Variants in PRKCB observed in about 807,000 individuals in gnomAD.
PRKCB encodes protein kinase C beta.
In PRKCB, 13 loss-of-function variants were observed where a neutral mutation model predicts 81.5. The observed-to-expected ratio is 0.16, with a 90% CI of 0.10 to 0.25. The LOEUF (loss-of-function observed/expected upper bound fraction) is 0.25. Among genes scored for constraint, PRKCB ranks in the 10% least tolerant of loss-of-function variants. The probability of loss-of-function intolerance (pLI) is 1.00; values close to 1 mark genes in which losing one functional copy is unlikely to be tolerated. For missense variants in PRKCB, 509 were observed against 875.7 expected, an observed-to-expected ratio of 0.58 and a Z score of 5.29; for synonymous variants, 335 against 321.4, an observed-to-expected ratio of 1.04 and a Z score of -0.45.
At chr16:24,121,679 A>C (rs976787433) in intron 8 of PRKCB, among the ~76,000 whole-genome samples, 2 of 152,198 alleles carry the variant, frequency 1.3e-5, no homozygotes, top group African/African-American at 4.8e-5. Context: ...CAGCCTCAAT[A>C]AATGTTTTTT....
chr16:24,079,890 G>A (rs1966227571), intron 5 of PRKCB, among the ~76,000 whole-genome samples: 1 of 152,112 alleles, frequency 6.6e-6, no homozygotes, highest in African/African-American at 2.4e-5. Flanking sequence ...GTCAAGAAAA[G>A]CATTCATTTA....
chr16:24,128,335 A>G (rs762376212), intron 9 of PRKCB, among the ~76,000 whole-genome samples: 21 of 152,328 alleles, frequency 1.4e-4, no homozygotes, highest in Non-Finnish European at 2.5e-4. Context: ...AGATCGTGCC[A>G]CTGCACTCCA....
At position 23,953,962 on chromosome 16, in the gene PRKCB, G is replaced by A. The variant is rs113435102; in HGVS notation, c.206-34546G>A. Reference sequence around the variant, plus strand: ...CAGCTCACTGCAACCTCTGCCTCCCGGGTTCAAGCGATTCTCCTGCCTCAG... The same window carrying A: ...CAGCTCACTGCAACCTCTGCCTCCCAGGTTCAAGCGATTCTCCTGCCTCAG... On this transcript the variant is annotated intron_variant, in intron 2 of 16. Coordinates refer to ENST00000643927, the MANE Select transcript of PRKCB (RefSeq NM_002738.7). Among the ~76,000 whole-genome samples the A allele has an allele frequency of 2.8e-4, 43 of 150,916 alleles. 1 individual carries two copies. Among genetic ancestry groups the A allele is most frequent in the African/African-American group, 1.0e-3 (42 of 41,072 alleles).
intron 5 of PRKCB, among the ~76,000 whole-genome samples, chr16:24,038,504 A>T (rs752092004): frequency 1.3e-5 from 2 of 152,280 alleles, no homozygotes; most frequent in Non-Finnish European, 2.9e-5. Context: ...CACCCTGACC[A>T]ATGTCACATG....
chr16:24,026,345 C>A (rs1193379931), intron 3 of PRKCB, among the ~76,000 whole-genome samples: 1 of 152,188 alleles, frequency 6.6e-6, no homozygotes, highest in African/African-American at 2.4e-5. Flanking sequence ...GTTTCCTTTT[C>A]CCTTCCCATT....
chr16:24,060,184 C>G (rs1264487912), intron 5 of PRKCB, among the ~76,000 whole-genome samples: 1 of 152,194 alleles, frequency 6.6e-6, no homozygotes, highest in African/African-American at 2.4e-5. Flanking sequence ...AGTCCCAGCT[C>G]TGCCACATGC....
At position 23,925,332 on chromosome 16, in the gene PRKCB, T is replaced by C. The variant is rs556126216; in HGVS notation, c.206-63176T>C. Among the ~76,000 whole-genome samples the C allele has an allele frequency of 4.2e-4, 64 of 152,242 alleles. 1 individual carries two copies. Among genetic ancestry groups the C allele is most frequent in the Middle Eastern group, 3.4e-3 (1 of 294 alleles). ...GGATCACTCCTCTCTCCCTTTTCAT[T>C]CTGCAGGACTTGCCCATTGGGGCTC... On this transcript the variant is annotated intron_variant, in intron 2 of 16. Coordinates refer to ENST00000643927, the MANE Select transcript of PRKCB (RefSeq NM_002738.7).
At chr16:24,129,737 C>T (rs890398047) in intron 9 of PRKCB, among the ~76,000 whole-genome samples, 11 of 152,204 alleles carry the variant, frequency 7.2e-5, no homozygotes, top group Middle Eastern at 3.4e-3. Context: ...ATCTATCTGT[C>T]GTCATAGAAA....
chr16:23,955,151 G>A (rs1180968724), intron 2 of PRKCB, among the ~76,000 whole-genome samples: 1 of 152,066 alleles, frequency 6.6e-6, no homozygotes, highest in African/African-American at 2.4e-5. Context: ...GAATCTGGGA[G>A]GTGGAGGTTG....
In PRKCB at chr16:23,891,213, T is replaced by C. The variant is rs183977802; in HGVS notation, c.205+53807T>C. Among the ~76,000 whole-genome samples the C allele has an allele frequency of 8.5e-5, 13 of 152,120 alleles. No homozygotes were observed. The East Asian group carries it at 2.5e-3, about 29-fold the overall frequency. On this transcript the variant is annotated intron_variant, in intron 2 of 16. Transcript: ENST00000643927. ...CACCATACCCAGCTAATTTTAAAAT[T>C]TGTATTTATTATTATTTTTGGTAGA...
chr16:24,057,882 CA>C (rs1335635723), intron 5 of PRKCB, among the ~76,000 whole-genome samples: 1 of 152,154 alleles, frequency 6.6e-6, no homozygotes, highest in Non-Finnish European at 1.5e-5. Context: ...TCTTCACACC[CA>C]GCCACAGGAA....
At chr16:24,056,835 T>G (rs1393430205) in intron 5 of PRKCB, among the ~76,000 whole-genome samples, 2 of 152,130 alleles carry the variant, frequency 1.3e-5, no homozygotes, top group African/African-American at 4.8e-5. Flanking sequence ...AAAATAAACC[T>G]CTTTTCTTTA....
intron 16 of PRKCB, among the ~76,000 whole-genome samples, chr16:24,199,879 A>G (rs1967932007): frequency 6.6e-6 from 1 of 152,218 alleles, no homozygotes; most frequent in Non-Finnish European, 1.5e-5. Flanking sequence ...CCTTGTAAAG[A>G]TTATTAGAAG....
In PRKCB at chr16:24,218,620, T is replaced by C. The variant is rs1968270349; in HGVS notation, c.*3804T>C. ...ACAAAGAAGCAAGTCTTGTAAAAGGTCTTTTGCAAAGGAGAGTGAACCCAG... is the reference window on the plus strand; with the variant it reads ...ACAAAGAAGCAAGTCTTGTAAAAGGCCTTTTGCAAAGGAGAGTGAACCCAG... On this transcript the variant is annotated 3_prime_UTR_variant, in exon 17 of 17. Coordinates refer to ENST00000643927, the MANE Select transcript of PRKCB (RefSeq NM_002738.7). 1 of 983,828 alleles carries C rather than the reference T, an allele frequency of 1.0e-6. No individual in the cohort carries two copies. The highest frequency in any genetic ancestry group is 1.8e-5 in the African/African-American group (1 of 56,506). 60.9% of individuals were successfully genotyped at this position (983,828 alleles called of 1,614,324 possible). A position where few individuals can be genotyped will look rare whatever the true frequency, so the allele number is the denominator to read the frequency against.
intron 2 of PRKCB, among the ~76,000 whole-genome samples, chr16:23,937,562 T>A (rs1312492879): frequency 6.6e-6 from 1 of 152,216 alleles, no homozygotes; most frequent in East Asian, 1.9e-4. Context: ...AACCAGTTGC[T>A]GGAATCTCAG....
chr16:23,910,782 C>T (rs1963639582), intron 2 of PRKCB, among the ~76,000 whole-genome samples: 1 of 152,106 alleles, frequency 6.6e-6, no homozygotes, highest in Admixed American at 6.5e-5. Flanking sequence ...ATTCTCATCA[C>T]CCCCGAAAGA....
rs1968272541 is a variant in PRKCB, at chr16:24,218,749, CT to C, written c.*3934del. On this transcript the variant is annotated 3_prime_UTR_variant, in exon 17 of 17. Transcript: ENST00000643927. Reference sequence around the variant, plus strand: ...GAGTCAGTGAATCCTTACCGACCCCCTGGCCTTTATAATCTGAGGCAACTTT... The same window carrying C: ...GAGTCAGTGAATCCTTACCGACCCCCGGCCTTTATAATCTGAGGCAACTTT... 1 of 985,346 alleles carries C rather than the reference CT, an allele frequency of 1.0e-6. No homozygotes were observed. The highest frequency in any genetic ancestry group is 1.2e-6 in the Non-Finnish European group (1 of 829,990). 61.0% of individuals were successfully genotyped at this position (985,346 alleles called of 1,614,324 possible). A position where few individuals can be genotyped will look rare whatever the true frequency, so the allele number is the denominator to read the frequency against.
At position 23,837,355 on chromosome 16, in the gene PRKCB, ACCT is replaced by A. The variant is rs1403491817; in HGVS notation, c.174-16_174-14del. On this transcript the variant is annotated splice_polypyrimidine_tract_variant and intron_variant, in intron 1 of 16. Coordinates refer to ENST00000643927, the MANE Select transcript of PRKCB (RefSeq NM_002738.7). ...GGGCCCCCCGGGCTGCCTGACATAC[ACCT>A]CCTTCTGCTTTTGCAGGGGCTTCGG... 6.2e-7 allele frequency: 1 copy of A among 1,613,088 alleles called. No homozygotes were observed. Among genetic ancestry groups the A allele is most frequent in the Admixed American group, 1.7e-5 (1 of 59,982 alleles).
rs2239339 is a variant in PRKCB at position 24,218,564 on chromosome 16, G to C, written c.*3748G>C. 157,352 of 985,274 alleles carry C rather than the reference G, an allele frequency of 0.16. 12,843 individuals carry two copies. Among genetic ancestry groups the C allele is most frequent in the Non-Finnish European group, 0.17 (138,743 of 829,918 alleles). The allele number at this position is 985,274 out of a possible 1,614,324, so 61.0% of individuals were successfully genotyped here. A position where few individuals can be genotyped will look rare whatever the true frequency, so the allele number is the denominator to read the frequency against. The stretch of plus-strand genomic sequence containing the variant: ...GCAAGAGTAAGGAGGGAACTCCATA[G>C]AGACATTTTACCTATCTCAGGGGAG... On this transcript the variant is annotated 3_prime_UTR_variant, in exon 17 of 17. Transcript: ENST00000643927.
Sources: gnomAD v4.1 joint callset for allele counts (sites outside exome capture counted in the v4.1 genomes callset) on GRCh38, gnomAD v4.1.1 for gene constraint, MANE v1.5 for transcripts, NCBI Gene and HGNC (gene_info 2026-07-23, HGNC 2026-07-21) for gene names.